ATRNL1: variants seen among roughly 807,000 people sequenced by gnomAD.
ATRNL1 encodes the protein attractin like 1, also known as attractin-like protein 1.
In ATRNL1, 95 loss-of-function variants were observed where a neutral mutation model predicts 182.7. The ratio of observed to expected loss-of-function variants is 0.52; its 90% CI spans 0.44 to 0.62. ATRNL1 has a LOEUF of 0.62. ATRNL1 is among the 20% of genes least tolerant of loss of function. The probability of loss-of-function intolerance (pLI) is 0.00; values close to 1 mark genes in which losing one functional copy is unlikely to be tolerated. For missense variants in ATRNL1, 1,471 were observed against 1,679.5 expected (o/e 0.88, Z 2.17); for synonymous variants, 576 against 568.3 (o/e 1.01, Z -0.19).
intron 26 of ATRNL1, among the ~76,000 whole-genome samples, chr10:115,635,532 A>G (rs1555027793): frequency 6.6e-6 from 1 of 152,206 alleles, no homozygotes; most frequent in Non-Finnish European, 1.5e-5. Flanking sequence ...TCACTACTGT[A>G]GAGTGTAAAT....
At chr10:115,924,490 A>G (rs1555119461) in intron 28 of ATRNL1, among the ~76,000 whole-genome samples, 2 of 152,236 alleles carry the variant, frequency 1.3e-5, no homozygotes, top group Middle Eastern at 3.4e-3. Flanking sequence ...TTCCAGCACC[A>G]TTTATTGAAT....
At chr10:115,535,403 C>G (rs555664816) in intron 25 of ATRNL1, among the ~76,000 whole-genome samples, 1 of 150,996 alleles carries the variant, frequency 6.6e-6, no homozygotes, top group South Asian at 2.1e-4. Flanking sequence ...ATCGCATCGG[C>G]TCCTGAGGCT....
rs115684038 is a variant in ATRNL1 at position 115,186,148 on chromosome 10, G to A, written c.1348+14856G>A. 5.6e-3 allele frequency among the ~76,000 whole-genome samples: 846 copies of A among 152,002 alleles called. 8 individuals are homozygous for A. Among genetic ancestry groups the A allele is most frequent in the African/African-American group, 0.019 (809 of 41,516 alleles). On this transcript the variant is annotated intron_variant, in intron 8 of 28. Transcript: ENST00000355044. The stretch of plus-strand genomic sequence containing the variant: ...TATAAACAACAACTTAAAACAACCC[G>A]ATTAAAAAATGGGCAAAGGATCTAA...
intron 19 of ATRNL1, among the ~76,000 whole-genome samples, chr10:115,345,276 G>A (rs1855925022): frequency 6.6e-6 from 1 of 152,236 alleles, no homozygotes; most frequent in African/African-American, 2.4e-5. Context: ...CTGAAGTTCA[G>A]ACTGCTAGGA....
chr10:115,369,501 T>A (rs1251737680), intron 19 of ATRNL1, among the ~76,000 whole-genome samples: 1 of 152,206 alleles, frequency 6.6e-6, no homozygotes, highest in Non-Finnish European at 1.5e-5. Flanking sequence ...ATTTTGTATC[T>A]TTGCTAGTGT....
chr10:115,132,089 C>A (rs1232537244), intron 5 of ATRNL1, among the ~76,000 whole-genome samples: 3 of 150,524 alleles, frequency 2.0e-5, no homozygotes, highest in African/African-American at 4.9e-5. Context: ...CCTCCCCACA[C>A]CCCACAACAG....
At chr10:115,730,028 G>A (rs1472318975) in intron 27 of ATRNL1, among the ~76,000 whole-genome samples, 4 of 151,542 alleles carry the variant, frequency 2.6e-5, no homozygotes, top group Non-Finnish European at 5.9e-5. Context: ...AGGCCGAGGT[G>A]GGTAGATCAT....
At chr10:115,164,661 C>T (rs1195673476) in intron 6 of ATRNL1, among the ~76,000 whole-genome samples, 1 of 152,022 alleles carries the variant, frequency 6.6e-6, no homozygotes, top group Non-Finnish European at 1.5e-5. Context: ...AAAATGAAAT[C>T]ATGTCATTTG....
chr10:115,439,176 G>A (rs782459634), intron 21 of ATRNL1, among the ~76,000 whole-genome samples: 1 of 151,872 alleles, frequency 6.6e-6, no homozygotes, highest in African/African-American at 2.4e-5. Flanking sequence ...CATTCTCAAC[G>A]TCATCATGTT....
At chr10:115,552,616 T>C (rs1310783959) in intron 26 of ATRNL1, among the ~76,000 whole-genome samples, 1 of 151,438 alleles carries the variant, frequency 6.6e-6, no homozygotes, top group Non-Finnish European at 1.5e-5. Flanking sequence ...CAAAGTTTTG[T>C]TTTCTCATAA....
intron 19 of ATRNL1, among the ~76,000 whole-genome samples, chr10:115,338,151 C>G (rs1204063449): frequency 5.3e-5 from 8 of 152,176 alleles, no homozygotes; most frequent in Non-Finnish European, 1.2e-4. Flanking sequence ...GTAATGGACA[C>G]TTAGGTTGCT....
At chr10:115,795,421 T>C (rs549540190) in intron 27 of ATRNL1, among the ~76,000 whole-genome samples, 37 of 152,260 alleles carry the variant, frequency 2.4e-4, no homozygotes, top group Non-Finnish European at 4.3e-4. Context: ...TAAAGCCTCC[T>C]TTTATGTGAC....
At chr10:115,722,129 A>C (rs563814753) in intron 26 of ATRNL1, among the ~76,000 whole-genome samples, 1 of 152,358 alleles carries the variant, frequency 6.6e-6, no homozygotes, top group South Asian at 2.1e-4. Flanking sequence ...AAATCATTGG[A>C]AATGAATATT....
intron 9 of ATRNL1, among the ~76,000 whole-genome samples, chr10:115,217,166 G>A (rs1554896457): frequency 6.6e-6 from 1 of 152,084 alleles, no homozygotes; most frequent in Non-Finnish European, 1.5e-5. Context: ...TCAGCTCACT[G>A]CCACCTCCAC....
rs527762406 is a variant in ATRNL1 at position 115,336,982 on chromosome 10, G to GC, written c.3175+2563_3175+2564insC. 1.0e-4 allele frequency among the ~76,000 whole-genome samples: 15 copies of GC among 147,056 alleles called. No individual in the cohort carries two copies. The East Asian group carries it at 1.8e-3, about 17-fold the overall frequency. On this transcript the variant is annotated intron_variant, in intron 19 of 28. Transcript: ENST00000355044. ...TGCCTCAGCCTCCCAAGTAGCTGGGGGGGGGGGACTACAGGGGCCCGCCAC... is the reference window on the plus strand; with the variant it reads ...TGCCTCAGCCTCCCAAGTAGCTGGGGCGGGGGGGACTACAGGGGCCCGCCAC...
chr10:115,307,065 A>G (rs1853772167), intron 17 of ATRNL1, among the ~76,000 whole-genome samples: 1 of 151,998 alleles, frequency 6.6e-6, no homozygotes, highest in Non-Finnish European at 1.5e-5. Flanking sequence ...TGTTTTCTTG[A>G]TTATTATAGA....
At chr10:115,739,629 G>T (rs545424346) in intron 27 of ATRNL1, among the ~76,000 whole-genome samples, 4 of 152,266 alleles carry the variant, frequency 2.6e-5, no homozygotes, top group African/African-American at 9.6e-5. Flanking sequence ...TAAAATGATT[G>T]TGTTTAAAAC....
At chr10:115,799,584 C>A (rs1555083846) in intron 27 of ATRNL1, among the ~76,000 whole-genome samples, 1 of 152,184 alleles carries the variant, frequency 6.6e-6, no homozygotes, top group Admixed American at 6.5e-5. Context: ...CCCAGCCAGG[C>A]CCCAGAATTC....
chr10:115,399,702 C>G (rs555269231), intron 20 of ATRNL1, among the ~76,000 whole-genome samples: 42 of 151,882 alleles, frequency 2.8e-4, no homozygotes, highest in Middle Eastern at 3.4e-3. Context: ...TATTTCTTGT[C>G]TTCTGCTAGC....
Sources: allele counts gnomAD v4.1 joint callset (sites outside exome capture counted in the v4.1 genomes callset), GRCh38; gene constraint gnomAD v4.1.1; transcripts MANE v1.5; gene names NCBI Gene and HGNC (gene_info 2026-07-23, HGNC 2026-07-21).